SMG1: variants seen among roughly 807,000 people sequenced by gnomAD.
SMG1 encodes the protein SMG1 nonsense mediated mRNA decay associated PI3K related kinase.
In SMG1, 22 loss-of-function variants were observed where a neutral mutation model predicts 419.9. The observed-to-expected ratio is 0.05, with a 90% CI of 0.04 to 0.07. The LOEUF (loss-of-function observed/expected upper bound fraction) is 0.07, where lower values mean the gene tolerates loss of function less well. Ranked by LOEUF, SMG1 falls within the 10% of genes least tolerant of loss-of-function variation. The probability of loss-of-function intolerance (pLI) is 1.00; values close to 1 mark genes in which losing one functional copy is unlikely to be tolerated. For missense variants in SMG1, 3,185 were observed against 4,342.0 expected (o/e 0.73, Z 7.49); for synonymous variants, 1,538 against 1,553.5 (o/e 0.99, Z 0.23).
At chr16:18,895,732 T>C (rs554224304) in intron 3 of SMG1, among the ~76,000 whole-genome samples, 2 of 151,754 alleles carry the variant, frequency 1.3e-5, no homozygotes, top group Admixed American at 6.6e-5. Context: ...TCTATATATA[T>C]CTATATCCTC....
intron 25 of SMG1, among the ~76,000 whole-genome samples, 176 bp downstream of exon 25, chr16:18,863,474 A>C (rs1176027653): frequency 6.6e-6 from 1 of 152,238 alleles, no homozygotes. Flanking sequence ...CCATTACACA[A>C]ATACCTTCCC....
chr16:18,839,052 G>A (rs1483866932), intron 42 of SMG1, among the ~76,000 whole-genome samples: 1 of 151,862 alleles, frequency 6.6e-6, no homozygotes. Context: ...ACCAATGTTG[G>A]GCAGGCTGGT....
chr16:18,906,488 C>A (rs143809536), intron 1 of SMG1, among the ~76,000 whole-genome samples: 5 of 152,108 alleles, frequency 3.3e-5, no homozygotes, highest in South Asian at 2.1e-4. Context: ...AACTCCGTCT[C>A]GGGGTGGGGT....
At chr16:18,840,724 A>G (rs1415876134) in intron 41 of SMG1, among the ~76,000 whole-genome samples, 1 of 152,214 alleles carries the variant, frequency 6.6e-6, no homozygotes, top group African/African-American at 2.4e-5. Flanking sequence ...TACATACATA[A>G]AAGAACCTGG....
rs888214614 is a variant in SMG1 at position 18,926,276 on chromosome 16, TGAGA to T, written c.-239_-236del. On this transcript the variant is annotated 5_prime_UTR_variant, in exon 1 of 63. Transcript: ENST00000446231. ...GGACGAGGAGGCGGGAGCGGCGCGG[TGAGA>T]GAGAGGCGGATGAAGGGGAGGCGAC... 1.9e-6 allele frequency: 1 copy of T among 521,298 alleles called. No homozygotes were observed. Among genetic ancestry groups the T allele is most frequent in the Non-Finnish European group, 3.4e-6 (1 of 298,388 alleles). The allele number at this position is 521,298 out of a possible 1,614,324, so 32.3% of individuals were successfully genotyped here. A position where few individuals can be genotyped will look rare whatever the true frequency, so the allele number is the denominator to read the frequency against.
At chr16:18,834,828 A>T in intron 49 of SMG1, 64 bp downstream of exon 49, 1 of 1,529,954 alleles carries the variant, frequency 6.5e-7, no homozygotes, top group South Asian at 1.2e-5. Context: ...GTAAAAGAAC[A>T]TTTTAGGTTT....
intron 1 of SMG1, among the ~76,000 whole-genome samples, chr16:18,913,608 T>C (rs1270977408): frequency 1.3e-5 from 2 of 152,058 alleles, no homozygotes; most frequent in African/African-American, 4.8e-5. Context: ...GCTATTAATA[T>C]ATTAGATGCC....
chr16:18,863,892 C>T (rs1191767858), intron 24 of SMG1, 41 bp from the exon 25 acceptor site: 1 of 1,592,080 alleles, frequency 6.3e-7, no homozygotes, highest in African/African-American at 1.3e-5. Context: ...AGATTCAGAT[C>T]AGTTAGAAAT....
In SMG1 at chr16:18,925,999, C is replaced by T. The variant is rs1432833574; in HGVS notation, c.43G>A (p.Gly15Ser). ...CGCGGATACTTGGTGCCGCCGCCGC[C>T]GCCGCCGCTGCTCAGCCGAGACCCC... ...APGSRLSSGG[G>S]GGGTKYPRSW... The change falls in exon 1 of 63, where the codon GGC (glycine) becomes AGC (serine). Residue 15 changes from glycine (G) to serine (S), a missense_variant. Physicochemically the swap from Gly to Ser is moderately conservative, Grantham distance 56. Transcript: ENST00000446231. 1.3e-6 allele frequency: 2 copies of T among 1,580,132 alleles called. No homozygotes were observed. Among genetic ancestry groups the T allele is most frequent in the Non-Finnish European group, 1.7e-6 (2 of 1,170,026 alleles).
Position 18,839,852 on chromosome 16 carries a change from A to T in SMG1, c.6791T>A (p.Val2264Asp). ...ACGGGACACATCCAGGCTAAGCCCA[A>T]CTGTTTTCAAAGCAGGGCCAATTTT... ...YSKIGPALKT[V>D]GLSLDVSRRD... Residue 2264 changes from valine (V) to aspartate (D), a missense_variant, in exon 42 of 63, where the codon GTT becomes GAT. Physicochemically the swap from Val to Asp is radical, Grantham distance 152. Coordinates refer to ENST00000446231, the MANE Select transcript of SMG1 (RefSeq NM_015092.5). 1 of 1,613,818 alleles carries T rather than the reference A, an allele frequency of 6.2e-7. No homozygotes were observed. Among genetic ancestry groups the T allele is most frequent in the Non-Finnish European group, 8.5e-7 (1 of 1,179,810 alleles).
chr16:18,916,513 CAAAAAAAAAAAAA>C (rs59985733), intron 1 of SMG1, among the ~76,000 whole-genome samples: 2 of 68,926 alleles, frequency 2.9e-5, no homozygotes, highest in Non-Finnish European at 5.4e-5. Flanking sequence ...GACTCCATCT[CAAAAAAAAAAAAA>C]AAAAAAAAAA....
intron 1 of SMG1, among the ~76,000 whole-genome samples, chr16:18,897,365 C>T (rs1028000318): frequency 1.3e-5 from 2 of 151,988 alleles, no homozygotes; most frequent in African/African-American, 4.8e-5. Context: ...GTTAATCAGT[C>T]AAAAAATTTC....
intron 3 of SMG1, among the ~76,000 whole-genome samples, chr16:18,892,965 A>G (rs1202913167): frequency 3.3e-5 from 5 of 152,260 alleles, no homozygotes; most frequent in Non-Finnish European, 5.9e-5. Flanking sequence ...AGGCCTTAGT[A>G]ACAACTTTCT....
chr16:18,885,731 G>A, intron 6 of SMG1, 65 bp from the exon 7 acceptor site: 1 of 1,486,202 alleles, frequency 6.7e-7, no homozygotes, highest in Non-Finnish European at 9.2e-7. Flanking sequence ...AGCAAATTAG[G>A]TTCATTATTT....
At chr16:18,917,043 T>C (rs2038009705) in intron 1 of SMG1, among the ~76,000 whole-genome samples, 1 of 152,048 alleles carries the variant, frequency 6.6e-6, no homozygotes, top group Non-Finnish European at 1.5e-5. Context: ...ATAAAAAGTA[T>C]CACTTTAGTA....
chr16:18,907,604 C>T (rs1470958573), intron 1 of SMG1, among the ~76,000 whole-genome samples: 1 of 152,088 alleles, frequency 6.6e-6, no homozygotes, highest in South Asian at 2.1e-4. Flanking sequence ...AATCCCAGCA[C>T]TTTGGGAGGC....
chr16:18,861,672 A>T (rs2035226141), intron 25 of SMG1, among the ~76,000 whole-genome samples: 1 of 152,150 alleles, frequency 6.6e-6, no homozygotes. Flanking sequence ...CTGCCAACAC[A>T]TTCATCATTT....
At chr16:18,854,105 G>A (rs1404212230) in intron 30 of SMG1, among the ~76,000 whole-genome samples, 11 of 22,262 alleles carry the variant, frequency 4.9e-4, no homozygotes, top group African/African-American at 2.0e-3. Flanking sequence ...TTTTTTTTTT[G>A]AGGCAGGGTT....
chr16:18,921,568 T>G (rs1290209235), intron 1 of SMG1, among the ~76,000 whole-genome samples: 2 of 152,142 alleles, frequency 1.3e-5, no homozygotes, highest in Non-Finnish European at 2.9e-5. Context: ...AATATTAGAC[T>G]GGTGTGAAAG....
Sources: allele counts gnomAD v4.1 joint callset (sites outside exome capture counted in the v4.1 genomes callset), GRCh38; gene constraint gnomAD v4.1.1; transcripts MANE v1.5; gene names NCBI Gene and HGNC (gene_info 2026-07-23, HGNC 2026-07-21).